The following ATP10B variants were observed in gnomAD, a reference collection of about 807,000 sequenced individuals.
ATP10B encodes the protein ATPase phospholipid transporting 10B (putative).
ATP10B carries 122 observed loss-of-function variants against 141.2 expected under a neutral mutation model. The ratio of observed to expected loss-of-function variants is 0.86; its 90% CI spans 0.75 to 1.00. The LOEUF (loss-of-function observed/expected upper bound fraction) is 1.00. Among genes scored for constraint, ATP10B ranks in the 50% least tolerant of loss-of-function variants. ATP10B has a pLI of 0.00. For synonymous variants in ATP10B, 685 were observed against 692.0 expected, an observed-to-expected ratio of 0.99 and a Z score of 0.16; for missense variants, 1,876 against 1,825.3, an observed-to-expected ratio of 1.03 and a Z score of -0.51.
intron 1 of ATP10B, among the ~76,000 whole-genome samples, chr5:160,796,744 T>C (rs1771973231): frequency 6.6e-6 from 1 of 152,158 alleles, no homozygotes; most frequent in South Asian, 2.1e-4. Flanking sequence ...TTATAGACTC[T>C]TATGGGAAGG....
intron 24 of ATP10B, among the ~76,000 whole-genome samples, chr5:160,588,944 C>G (rs1028291922): frequency 6.6e-6 from 1 of 152,110 alleles, no homozygotes; most frequent in African/African-American, 2.4e-5. Context: ...GGGGAGAATT[C>G]CTCCCTAACA....
chr5:160,922,525 AC>A, the ATP10B span, among the ~76,000 whole-genome samples: 1 of 152,170 alleles, frequency 6.6e-6, no homozygotes, highest in African/African-American at 2.4e-5. Context: ...CCAAATTTTC[AC>A]CTGTGACTAC....
At chr5:160,602,538 G>T in intron 21 of ATP10B, 39 bp downstream of exon 21, 1 of 1,611,788 alleles carries the variant, frequency 6.2e-7, no homozygotes, top group Non-Finnish European at 8.5e-7. Context: ...GGCAAGGCCT[G>T]CCAAAGCCCT....
chr5:160,738,611 C>T (rs1018296261), intron 2 of ATP10B, among the ~76,000 whole-genome samples: 5 of 152,098 alleles, frequency 3.3e-5, no homozygotes, highest in Admixed American at 1.3e-4. Flanking sequence ...TTATGAACAA[C>T]TTTATGCAAT....
chr5:160,763,110 A>G (rs1035085184), intron 2 of ATP10B, among the ~76,000 whole-genome samples: 6 of 152,154 alleles, frequency 3.9e-5, no homozygotes, highest in East Asian at 1.9e-4. Context: ...GCAACATAAT[A>G]ATTGTAGAGG....
chr5:160,833,624 GTTAGAA>G (rs1485230301), intron 1 of ATP10B, among the ~76,000 whole-genome samples: 19 of 152,096 alleles, frequency 1.2e-4, no homozygotes, highest in African/African-American at 4.3e-4. Flanking sequence ...AAGTACAGAC[GTTAGAA>G]TTAGAAGACA....
chr5:160,636,537 T>G (rs1759388707), intron 10 of ATP10B, among the ~76,000 whole-genome samples: 3 of 152,188 alleles, frequency 2.0e-5, no homozygotes, highest in Non-Finnish European at 2.9e-5. Flanking sequence ...GGCATTAAGT[T>G]TGTTTTACAA....
In ATP10B at chr5:160,565,763, G is replaced by C. The variant is rs1581121794; in HGVS notation, c.4076C>G (p.Pro1359Arg). 2 of 1,614,060 alleles carry C rather than the reference G, an allele frequency of 1.2e-6. No homozygotes were observed. The highest frequency in any genetic ancestry group is 4.5e-5 in the East Asian group (2 of 44,868). The change falls in exon 26 of 26, where the codon CCC becomes CGC. Residue 1359 changes from proline (P) to arginine (R), a missense_variant. Pro to Arg is a moderately radical substitution (Grantham distance 103). Transcript: ENST00000327245. ...GTGGTGAGTTGGTCGAGCCACTTCG[G>C]GGACAGGGGCAGGCCTCTGTCTGCT... Reference protein sequence around the residue: ...WRSRQRPAPVPEVARPTHHPV... With the variant: ...WRSRQRPAPVREVARPTHHPV...
chr5:160,894,210 C>G, the ATP10B span, among the ~76,000 whole-genome samples: 3 of 151,916 alleles, frequency 2.0e-5, no homozygotes, highest in African/African-American at 7.3e-5. Flanking sequence ...GATGAATGAG[C>G]CTGTTGGAAG....
chr5:160,809,266 C>T (rs1335498227), intron 1 of ATP10B, among the ~76,000 whole-genome samples: 1 of 152,160 alleles, frequency 6.6e-6, no homozygotes, highest in African/African-American at 2.4e-5. Flanking sequence ...TAAAAACAGA[C>T]TCTGCTGGCC....
chr5:160,615,779 C>A, intron 17 of ATP10B, 59 bp downstream of exon 17: 1 of 1,583,536 alleles, frequency 6.3e-7, no homozygotes, highest in East Asian at 2.3e-5. Context: ...GGGCCAAGAG[C>A]TCCCTTCTCA....
chr5:160,796,159 A>C (rs1204898256), intron 1 of ATP10B, among the ~76,000 whole-genome samples: 2 of 152,194 alleles, frequency 1.3e-5, no homozygotes, highest in Non-Finnish European at 2.9e-5. Context: ...ACCACAAAGC[A>C]TTCTTAAGAA....
chr5:160,728,462 T>A (rs1766516543), intron 2 of ATP10B, among the ~76,000 whole-genome samples: 1 of 152,192 alleles, frequency 6.6e-6, no homozygotes, highest in Non-Finnish European at 1.5e-5. Context: ...CTTCTCCGGG[T>A]GGCAACACTG....
chr5:160,594,281 C>G (rs1009238963), intron 22 of ATP10B, among the ~76,000 whole-genome samples: 7 of 152,138 alleles, frequency 4.6e-5, no homozygotes, highest in Admixed American at 4.6e-4. Context: ...TCATATCCAG[C>G]CAAACTAAGC....
At chr5:160,750,967 A>G (rs1451373652) in intron 2 of ATP10B, among the ~76,000 whole-genome samples, 1 of 152,172 alleles carries the variant, frequency 6.6e-6, no homozygotes, top group Non-Finnish European at 1.5e-5. Context: ...ACATTTCCTA[A>G]GAGAAATCTG....
the ATP10B span, among the ~76,000 whole-genome samples, chr5:160,912,499 T>C: frequency 2.0e-5 from 3 of 150,136 alleles, no homozygotes; most frequent in Non-Finnish European, 4.4e-5. Context: ...CTTGGGAGGC[T>C]GACACAGGAC....
At chr5:160,829,782 T>C (rs1412030306) in intron 1 of ATP10B, among the ~76,000 whole-genome samples, 1 of 152,152 alleles carries the variant, frequency 6.6e-6, no homozygotes, top group Non-Finnish European at 1.5e-5. Flanking sequence ...GAAACGCTAC[T>C]GATTTTTGTA....
chr5:160,871,706 T>C, the ATP10B span, among the ~76,000 whole-genome samples: 6 of 152,164 alleles, frequency 3.9e-5, no homozygotes, highest in Non-Finnish European at 7.4e-5. Flanking sequence ...AATTCATTCC[T>C]TTTTATGACT....
At chr5:160,659,456 C>T (rs1242828756) in intron 7 of ATP10B, among the ~76,000 whole-genome samples, 2 of 151,728 alleles carry the variant, frequency 1.3e-5, no homozygotes, top group East Asian at 1.9e-4. Flanking sequence ...CAGTGCAAGG[C>T]TCCGTCTCAA....
Sources: allele counts gnomAD v4.1 joint callset (sites outside exome capture counted in the v4.1 genomes callset), GRCh38; gene constraint gnomAD v4.1.1; transcripts MANE v1.5; gene names NCBI Gene and HGNC (gene_info 2026-07-23, HGNC 2026-07-21).